The following ADAM28 variants were observed in gnomAD, a reference collection of about 807,000 sequenced individuals.
ADAM28 encodes disintegrin and metalloproteinase domain-containing protein 28.
Under a neutral mutation model 101.2 loss-of-function variants are expected in ADAM28, and 105 were observed. The observed-to-expected ratio is 1.04, with a 90% CI of 0.89 to 1.22. The LOEUF is 1.22. ADAM28 is among the 50% of genes most tolerant of loss of function. The pLI is 0.00. For synonymous variants in ADAM28, 322 were observed against 310.6 expected, an observed-to-expected ratio of 1.04 and a Z score of -0.39; for missense variants, 1,028 against 945.4, an observed-to-expected ratio of 1.09 and a Z score of -1.15.
intron 21 of ADAM28, 127 bp downstream of exon 21, chr8:24,352,179 A>G: frequency 4.7e-6 from 4 of 851,760 alleles, no homozygotes; most frequent in Non-Finnish European, 7.3e-6. Flanking sequence ...ATATTAATAT[A>G]AAATACAAAT....
chr8:24,299,776 A>G (rs2129234310), intron 1 of ADAM28, 198 bp from the exon 2 acceptor site: 1 of 443,906 alleles, frequency 2.3e-6, no homozygotes, highest in East Asian at 3.7e-5. Flanking sequence ...TATAGGCTAA[A>G]GTAAAACTTT....
chr8:24,320,501 C>T (rs1585603824), intron 7 of ADAM28, among the ~76,000 whole-genome samples, 194 bp downstream of exon 7: 1 of 152,074 alleles, frequency 6.6e-6, no homozygotes, highest in East Asian at 1.9e-4. Flanking sequence ...GCGATCAGGG[C>T]AATTGATATG....
In ADAM28 at chr8:24,351,248, G is replaced by A. The variant is rs1219883574; in HGVS notation, c.2116G>A (p.Gly706Ser). The change falls in exon 20 of 23, where the codon GGC (glycine) becomes AGC (serine). Residue 706 changes from glycine to serine, a missense_variant. Gly to Ser is a moderately conservative substitution (Grantham distance 56). Coordinates refer to ENST00000265769, the MANE Select transcript of ADAM28 (RefSeq NM_014265.6). ...KKDQRPLSTT[G>S]TRPHKQKRKP... ...CTCTTACAGGCCACTATCTACCACT[G>A]GCACCAGGCCACACAAACAGAAGAG... 3 of 1,604,166 alleles carry A rather than the reference G, an allele frequency of 1.9e-6. No homozygotes were observed. Among genetic ancestry groups the A allele is most frequent in the Admixed American group, 3.4e-5 (2 of 58,700 alleles).
Position 24,339,557 on chromosome 8 carries a change from C to A in ADAM28, c.1659C>A (p.Pro553=). ...GCAGAGTGGATGACACACTCATTCC[C>A]TGCAAAGCAAAGTAAGTGGCCTTGT... ...YCRRVDDTLI[P]CKANDTMCGK... is the part of the protein sequence containing the mutation. The change falls in exon 15 of 23, where the codon CCC becomes CCA. Residue 553 remains proline, a synonymous_variant. Transcript: ENST00000265769. 6.2e-7 allele frequency: 1 copy of A among 1,611,708 alleles called. No homozygotes were observed. Among genetic ancestry groups the A allele is most frequent in the Non-Finnish European group, 8.5e-7 (1 of 1,178,824 alleles).
chr8:24,318,735 C>A (rs1033912518), intron 6 of ADAM28, among the ~76,000 whole-genome samples: 12 of 151,874 alleles, frequency 7.9e-5, no homozygotes, highest in African/African-American at 2.9e-4. Flanking sequence ...CTTCATCCCG[C>A]CTTATATGGT....
At chr8:24,353,383 G>T (rs1791689200) in intron 21 of ADAM28, among the ~76,000 whole-genome samples, 1 of 152,044 alleles carries the variant, frequency 6.6e-6, no homozygotes, top group African/African-American at 2.4e-5. Context: ...TTTTTCTTGT[G>T]CCTGGTATTC....
At chr8:24,351,594 T>TCA (rs201156952) in intron 20 of ADAM28, 99 of 500,012 alleles carry the variant, frequency 2.0e-4, no homozygotes, top group Middle Eastern at 5.5e-4. Context: ...TCTCCCTCTC[T>TCA]CACACACACA....
chr8:24,348,354 C>T (rs958978105), intron 18 of ADAM28, among the ~76,000 whole-genome samples: 5 of 152,150 alleles, frequency 3.3e-5, no homozygotes, highest in African/African-American at 9.7e-5. Context: ...TCAACATCCC[C>T]CATTCTCGTG....
intron 16 of ADAM28, 142 bp downstream of exon 16, chr8:24,341,899 A>T (rs1483561952): frequency 2.1e-6 from 2 of 950,734 alleles, no homozygotes; most frequent in Non-Finnish European, 3.2e-6. Context: ...ACAGAGTTTG[A>T]ATTTGGAACA....
chr8:24,311,327 TG>T (rs1437532033), intron 4 of ADAM28, 33 bp from the exon 5 acceptor site: 1 of 1,565,030 alleles, frequency 6.4e-7, no homozygotes, highest in African/African-American at 1.4e-5. Context: ...AAAATTCACA[TG>T]TACTTCTCTT....
rs9314281 is a variant in ADAM28 at position 24,320,409 on chromosome 8, T to C, written c.648+102T>C. 7,866 of 800,686 alleles carry C rather than the reference T, an allele frequency of 9.8e-3. 461 individuals are homozygous for C. In the African/African-American group the frequency reaches 0.12, roughly 13 times the overall value. The allele number at this position is 800,686 out of a possible 1,614,324, so 49.6% of individuals were successfully genotyped here. ...TATCTGGATGAGATTTAAAGAATCATGAATATGAGCTATGGTTACATGTTC... is the reference window on the plus strand; with the variant it reads ...TATCTGGATGAGATTTAAAGAATCACGAATATGAGCTATGGTTACATGTTC... On this transcript the variant is annotated intron_variant, in intron 7 of 22. Coordinates refer to ENST00000265769, the MANE Select transcript of ADAM28 (RefSeq NM_014265.6).
intron 11 of ADAM28, 149 bp downstream of exon 11, chr8:24,330,264 A>C (rs1813199620): frequency 1.2e-6 from 1 of 852,982 alleles, no homozygotes; most frequent in East Asian, 2.7e-5. Flanking sequence ...TCTATGGGTA[A>C]TATTTTTTAA....
chr8:24,358,664 C>G lies in ADAM28; in HGVS notation c.*4260C>G, dbSNP rs1343576324. Reference sequence around the variant, plus strand: ...TGTTAGGCACTTTTTAGCAACTAGGCCTGGGTGGTCTGCTACAATGCCCAA... The same window carrying G: ...TGTTAGGCACTTTTTAGCAACTAGGGCTGGGTGGTCTGCTACAATGCCCAA... On this transcript the variant is annotated 3_prime_UTR_variant, in exon 23 of 23. Transcript: ENST00000265769. 6.6e-6 allele frequency: 1 copy of G among 152,144 alleles called. No individual in the cohort carries two copies. The highest frequency in any genetic ancestry group is 6.5e-5 in the Admixed American group (1 of 15,268). The allele number at this position is 152,144 out of a possible 1,614,324, so 9.4% of individuals were successfully genotyped here.
chr8:24,342,759 G>A (rs1359762532), intron 16 of ADAM28, among the ~76,000 whole-genome samples: 3 of 152,114 alleles, frequency 2.0e-5, no homozygotes, highest in African/African-American at 7.2e-5. Context: ...GGGAAGTACT[G>A]GGACTAGGGC....
intron 2 of ADAM28, among the ~76,000 whole-genome samples, chr8:24,308,345 T>C (rs1809984629): frequency 3.3e-5 from 5 of 149,974 alleles, no homozygotes; most frequent in Admixed American, 3.3e-4. Flanking sequence ...AGGCCCTGGC[T>C]TTCTTCCTTC....
intron 13 of ADAM28, among the ~76,000 whole-genome samples, chr8:24,333,760 C>T (rs545732166): frequency 5.8e-4 from 89 of 152,176 alleles, no homozygotes; most frequent in Non-Finnish European, 1.1e-3. Flanking sequence ...TGAAATTCTT[C>T]TAAATATGCC....
rs764008026 is a variant in ADAM28 at position 24,323,998 on chromosome 8, A to G, written c.885A>G (p.Leu295=). The G allele has an allele frequency of 6.2e-7, 1 of 1,611,504 alleles. No homozygotes were observed. Among genetic ancestry groups the G allele is most frequent in the East Asian group, 2.2e-5 (1 of 44,772 alleles). ...SRRKRHDIAQ[L]ITATELAGTT... ...GAAAGCGTCATGATATTGCTCAGTTAATCACGTATGTACAGATTTTCTCCC... is the reference window on the plus strand; with the variant it reads ...GAAAGCGTCATGATATTGCTCAGTTGATCACGTATGTACAGATTTTCTCCC... The change falls in exon 9 of 23, where the codon TTA becomes TTG. Residue 295 remains leucine, a synonymous_variant. Transcript: ENST00000265769.
chr8:24,309,386 C>T (rs990755647), intron 2 of ADAM28, among the ~76,000 whole-genome samples: 1 of 152,134 alleles, frequency 6.6e-6, no homozygotes, highest in Non-Finnish European at 1.5e-5. Flanking sequence ...ACTATTCCTT[C>T]TAATCAGTTA....
At chr8:24,346,204 A>G (rs1205842346) in intron 18 of ADAM28, among the ~76,000 whole-genome samples, 1 of 152,098 alleles carries the variant, frequency 6.6e-6, no homozygotes. Context: ...ATTTTCTACA[A>G]TTATGGGAAT....
Sources: gnomAD v4.1 joint callset for allele counts (sites outside exome capture counted in the v4.1 genomes callset) on GRCh38, gnomAD v4.1.1 for gene constraint, MANE v1.5 for transcripts, NCBI Gene and HGNC (gene_info 2026-07-23, HGNC 2026-07-21) for gene names.